Variants in TLN2 observed in about 807,000 individuals in gnomAD.
TLN2 encodes the protein talin 2, also known as talin-2.
In TLN2, 118 loss-of-function variants were observed where a neutral mutation model predicts 294.7. The observed-to-expected ratio is 0.40, with a 90% confidence interval of 0.34 to 0.47. TLN2 has a LOEUF of 0.47. Ranked by LOEUF, TLN2 falls within the 20% of genes least tolerant of loss-of-function variation. The pLI, the probability that TLN2 is intolerant of heterozygous loss-of-function variation, is 0.84. For missense variants in TLN2, 3,083 were observed against 3,282.2 expected (o/e 0.94, Z 1.48); for synonymous variants, 1,431 against 1,304.5 (o/e 1.10, Z -2.09).
rs569139892 is a variant in TLN2, at chr15:62,455,675, G to A, written c.-238+64990G>A. 6.6e-5 allele frequency among the ~76,000 whole-genome samples: 10 copies of A among 152,310 alleles called. 1 individual carries two copies. In the South Asian group the frequency reaches 2.1e-3, roughly 32 times the overall value. ...CAAATCTCACAGTTTGTTCCCAGGT[G>A]CCCTGCTCGGGGCTGCCTGTCACGG... is the stretch of plus-strand genomic sequence containing the variant. On this transcript the variant is annotated intron_variant, in intron 1 of 58. Transcript: ENST00000636159.
At chr15:62,616,535 C>T (rs943344078) in intron 2 of TLN2, among the ~76,000 whole-genome samples, 1 of 152,142 alleles carries the variant, frequency 6.6e-6, no homozygotes, top group African/African-American at 2.4e-5. Flanking sequence ...CTCAAGTGAT[C>T]CTTCTGCCTC....
At chr15:62,794,547 T>G (rs1341318595) in intron 46 of TLN2, among the ~76,000 whole-genome samples, 1 of 152,230 alleles carries the variant, frequency 6.6e-6, no homozygotes, top group African/African-American at 2.4e-5. Flanking sequence ...CCCGTGATAC[T>G]TGTCTTGGCC....
intron 1 of TLN2, among the ~76,000 whole-genome samples, chr15:62,477,897 G>A (rs2037863162): frequency 7.4e-6 from 1 of 134,782 alleles, no homozygotes; most frequent in Non-Finnish European, 1.6e-5. Flanking sequence ...TGGTGGGGGG[G>A]ATGGAGGGGG....
intron 3 of TLN2, among the ~76,000 whole-genome samples, chr15:62,620,853 T>C (rs2140856745): frequency 7.0e-6 from 1 of 143,268 alleles, no homozygotes; most frequent in Admixed American, 6.9e-5. Context: ...TTTTTTTTTT[T>C]TTTTTCTGAG....
chr15:62,774,508 A>G (rs1221000842), intron 42 of TLN2, among the ~76,000 whole-genome samples: 1 of 152,170 alleles, frequency 6.6e-6, no homozygotes, highest in East Asian at 1.9e-4. Context: ...GTGATTTGAG[A>G]TTAGGCTGTC....
At chr15:62,742,077 A>ATGTGTGTGTGTGT (rs2061372322) in intron 32 of TLN2, among the ~76,000 whole-genome samples, 1 of 101,066 alleles carries the variant, frequency 9.9e-6, no homozygotes, top group Non-Finnish European at 2.1e-5. Flanking sequence ...GTGTGTGTGA[A>ATGTGTGTGTGTGT]GGGTTAGACA....
At chr15:62,536,026 C>T (rs888803814) in intron 1 of TLN2, among the ~76,000 whole-genome samples, 1 of 152,192 alleles carries the variant, frequency 6.6e-6, no homozygotes, top group African/African-American at 2.4e-5. Flanking sequence ...AATAAACATT[C>T]GGCCTTCCTT....
intron 32 of TLN2, 150 bp downstream of exon 32, chr15:62,740,919 C>CT (rs1275496955): frequency 7.2e-6 from 7 of 966,024 alleles, no homozygotes; most frequent in Non-Finnish European, 6.0e-6. Flanking sequence ...GATGGACACT[C>CT]TGATATTTTA....
intron 1 of TLN2, among the ~76,000 whole-genome samples, chr15:62,527,385 G>C (rs11071673): frequency 6.6e-6 from 1 of 152,020 alleles, no homozygotes; most frequent in South Asian, 2.1e-4. Flanking sequence ...TCAGGAAACC[G>C]TTAGCTGTAT....
intron 1 of TLN2, among the ~76,000 whole-genome samples, chr15:62,416,467 G>T (rs1312678304): frequency 2.0e-5 from 3 of 152,198 alleles, no homozygotes; most frequent in African/African-American, 4.8e-5. Flanking sequence ...GAAAGGGAAA[G>T]AAATATTGCT....
intron 1 of TLN2, among the ~76,000 whole-genome samples, chr15:62,457,302 A>C (rs1316111309): frequency 6.6e-6 from 1 of 152,128 alleles, no homozygotes; most frequent in Non-Finnish European, 1.5e-5. Flanking sequence ...GCTCTCTGGC[A>C]TCTCCTCTTA....
intron 14 of TLN2, among the ~76,000 whole-genome samples, chr15:62,697,321 C>G (rs1299725617): frequency 6.6e-6 from 1 of 152,166 alleles, no homozygotes; most frequent in Non-Finnish European, 1.5e-5. Flanking sequence ...GTTGCCCAGG[C>G]TGGTCTTGAA....
chr15:62,565,319 G>T (rs932156813), intron 1 of TLN2, among the ~76,000 whole-genome samples: 1 of 152,108 alleles, frequency 6.6e-6, no homozygotes, highest in Non-Finnish European at 1.5e-5. Context: ...AAGATATAGG[G>T]ACAATTTAAA....
intron 31 of TLN2, among the ~76,000 whole-genome samples, chr15:62,740,047 G>GTTTTTTTTTTTTTT: frequency 7.3e-6 from 1 of 136,214 alleles, no homozygotes; most frequent in Non-Finnish European, 1.6e-5. Flanking sequence ...TGTGTTTTTT[G>GTTTTTTTTTTTTTT]TTTTTTTTTT....
intron 3 of TLN2, among the ~76,000 whole-genome samples, chr15:62,621,258 T>A (rs1288781365): frequency 6.6e-6 from 1 of 152,166 alleles, no homozygotes; most frequent in Non-Finnish European, 1.5e-5. Context: ...ATCAACAAAG[T>A]TGAAAACCCT....
intron 54 of TLN2, chr15:62,828,899 G>C (rs1264015094): frequency 6.6e-6 from 1 of 152,118 alleles, no homozygotes; most frequent in African/African-American, 2.4e-5. Flanking sequence ...GGGGATCACA[G>C]GCTGGTAGGT....
At chr15:62,519,096 C>T (rs748254319) in intron 1 of TLN2, among the ~76,000 whole-genome samples, 1 of 152,170 alleles carries the variant, frequency 6.6e-6, no homozygotes, top group Non-Finnish European at 1.5e-5. Flanking sequence ...AAGCAACTTG[C>T]CCAGGGTCAT....
At chr15:62,395,707 AAAAT>A (rs2032489708) in intron 1 of TLN2, among the ~76,000 whole-genome samples, 1 of 152,252 alleles carries the variant, frequency 6.6e-6, no homozygotes, top group Non-Finnish European at 1.5e-5. Flanking sequence ...TAAAATGAAT[AAAAT>A]AAGGTACATC....
At chr15:62,460,426 G>T (rs759213066) in intron 1 of TLN2, among the ~76,000 whole-genome samples, 2 of 152,104 alleles carry the variant, frequency 1.3e-5, no homozygotes, top group Non-Finnish European at 2.9e-5. Context: ...CACCACGCCT[G>T]GCTACTTTGT....
Sources: gnomAD v4.1 joint callset for allele counts (sites outside exome capture counted in the v4.1 genomes callset) on GRCh38, gnomAD v4.1.1 for gene constraint, MANE v1.5 for transcripts, NCBI Gene and HGNC (gene_info 2026-07-23, HGNC 2026-07-21) for gene names.